The following PWP1 variants were observed in gnomAD, a reference collection of about 807,000 sequenced individuals.
PWP1 encodes PWP1 homolog, endonuclein.
In PWP1, 47 loss-of-function variants were observed where a neutral mutation model predicts 69.9. The ratio of observed to expected loss-of-function variants is 0.67; its 90% CI spans 0.53 to 0.86. PWP1 has a LOEUF of 0.86. PWP1 is among the 40% of genes least tolerant of loss of function. The pLI is 0.00. For synonymous variants in PWP1, 222 were observed against 208.2 expected, an observed-to-expected ratio of 1.07 and a Z score of -0.57; for missense variants, 551 against 608.8, an observed-to-expected ratio of 0.91 and a Z score of 1.00.
At chr12:107,693,946 G>A (rs1011832632) in intron 5 of PWP1, among the ~76,000 whole-genome samples, 7 of 151,994 alleles carry the variant, frequency 4.6e-5, no homozygotes, top group East Asian at 1.9e-4. Context: ...AAAGGGCCAC[G>A]TTTCTTTTTT....
chr12:107,699,569 C>A, intron 8 of PWP1, 135 bp downstream of exon 8: 2 of 669,824 alleles, frequency 3.0e-6, no homozygotes, highest in Non-Finnish European at 5.1e-6. Flanking sequence ...GCCCTGCTTG[C>A]AGGCAGGAGC....
intron 1 of PWP1, among the ~76,000 whole-genome samples, chr12:107,687,663 A>C (rs1409594839): frequency 6.6e-6 from 1 of 151,934 alleles, no homozygotes; most frequent in African/African-American, 2.4e-5. Context: ...TCATTCAGGA[A>C]GCTGAGGTGG....
chr12:107,712,433 T>TAA lies in PWP1; in HGVS notation c.*218_*219dup. 1 of 409,928 alleles carries TAA rather than the reference T, an allele frequency of 2.4e-6. No individual in the cohort carries two copies. The highest frequency in any genetic ancestry group is 4.3e-6 in the Non-Finnish European group (1 of 229,890). 25.4% of individuals were successfully genotyped at this position (409,928 alleles called of 1,614,324 possible). A position where few individuals can be genotyped will look rare whatever the true frequency, so the allele number is the denominator to read the frequency against. On this transcript the variant is annotated 3_prime_UTR_variant, in exon 15 of 15. Coordinates refer to ENST00000412830, the MANE Select transcript of PWP1 (RefSeq NM_007062.3). ...TTTGTAAGGCTCTTGTTGCATTTCTTAAAAAAGAGTAATAAAAAGGATTTT... is the reference window on the plus strand; with the variant it reads ...TTTGTAAGGCTCTTGTTGCATTTCTTAAAAAAAAGAGTAATAAAAAGGATTTT...
chr12:107,700,633 G>A (rs1342528374), intron 8 of PWP1, among the ~76,000 whole-genome samples: 8 of 152,166 alleles, frequency 5.3e-5, no homozygotes, highest in African/African-American at 1.7e-4. Context: ...TGCTATGAAT[G>A]TGGGTGTACA....
At chr12:107,686,048 G>A in intron 1 of PWP1, 77 bp downstream of exon 1, 3 of 1,521,540 alleles carry the variant, frequency 2.0e-6, no homozygotes, top group Non-Finnish European at 2.7e-6. Flanking sequence ...GGGGAACGTG[G>A]ACCCGGAACT....
At chr12:107,686,193 C>T in intron 1 of PWP1, 1 of 595,496 alleles carries the variant, frequency 1.7e-6, no homozygotes, top group Non-Finnish European at 3.0e-6. Flanking sequence ...CTGTTCCCAC[C>T]CTCAAGCCCA....
chr12:107,693,165 T>C (rs971691734), intron 5 of PWP1, 69 bp downstream of exon 5: 1 of 1,525,514 alleles, frequency 6.6e-7, no homozygotes, highest in Admixed American at 2.2e-5. Flanking sequence ...ATAGTTACCA[T>C]TTCATTTTTA....
intron 1 of PWP1, among the ~76,000 whole-genome samples, chr12:107,686,927 C>CTGCA (rs1889378045): frequency 7.2e-6 from 1 of 138,364 alleles, no homozygotes; most frequent in Non-Finnish European, 1.5e-5. Context: ...GATCGCACAG[C>CTGCA]TGCACTCCAG....
At chr12:107,698,789 C>T (rs190496186) in intron 7 of PWP1, among the ~76,000 whole-genome samples, 262 of 152,206 alleles carry the variant, frequency 1.7e-3, no homozygotes, top group African/African-American at 5.8e-3. Context: ...GACAGAGTTT[C>T]GCTATGTTGC....
intron 14 of PWP1, among the ~76,000 whole-genome samples, chr12:107,710,806 G>C (rs1673970530): frequency 6.6e-6 from 1 of 152,212 alleles, no homozygotes; most frequent in Non-Finnish European, 1.5e-5. Flanking sequence ...CAGGAAGATA[G>C]CAAAAGTAGT....
intron 1 of PWP1, among the ~76,000 whole-genome samples, chr12:107,686,969 C>CAAAAA (rs61728433): frequency 2.0e-4 from 21 of 106,872 alleles, no homozygotes; most frequent in East Asian, 4.7e-4. Flanking sequence ...GACTCCGTCT[C>CAAAAA]AAAAAAAAAA....
At chr12:107,709,373 A>AG in intron 13 of PWP1, 141 bp downstream of exon 13, 2 of 1,151,554 alleles carry the variant, frequency 1.7e-6, no homozygotes, top group Non-Finnish European at 2.4e-6. Context: ...TTTTGAGTTT[A>AG]GTCAAATTTG....
rs976606940 is a variant in PWP1, at chr12:107,707,191, G to A, written c.1078-1735G>A. Among the ~76,000 whole-genome samples the A allele has an allele frequency of 2.4e-4, 37 of 151,740 alleles. No individual in the cohort carries two copies. The East Asian group carries it at 3.1e-3, about 13-fold the overall frequency. ...TGAATGGGAGTTCACTCATGATTTG[G>A]CTGTTTGTCTATTATTGGTGTATAA... On this transcript the variant is annotated intron_variant, in intron 11 of 14. Coordinates refer to ENST00000412830, the MANE Select transcript of PWP1 (RefSeq NM_007062.3).
At chr12:107,708,116 G>A (rs1351028125) in intron 11 of PWP1, among the ~76,000 whole-genome samples, 1 of 152,126 alleles carries the variant, frequency 6.6e-6, no homozygotes, top group African/African-American at 2.4e-5. Context: ...CTTGAATGTT[G>A]TGTTGTACTT....
chr12:107,697,707 TG>T (rs1385597351), intron 7 of PWP1, 110 bp downstream of exon 7: 5 of 1,068,140 alleles, frequency 4.7e-6, no homozygotes, highest in Admixed American at 3.8e-5. Context: ...CTTGGTGAGA[TG>T]GGGTAGGTAG....
rs1269611209 is a variant in PWP1 at position 107,696,508 on chromosome 12, C to T, written c.537C>T (p.His179=). The change falls in exon 6 of 15, where the codon CAC becomes CAT. Residue 179 remains histidine (H), a synonymous_variant. Coordinates refer to ENST00000412830, the MANE Select transcript of PWP1 (RefSeq NM_007062.3). ...AAGAAGAAGACTCTTTTTATGTACA[C>T]CATGATATACTCTTGTCTGCATATC... The part of the protein sequence containing the change: ...YNQEEDSFYV[H]HDILLSAYPL... The T allele has an allele frequency of 1.9e-6, 3 of 1,614,050 alleles. No homozygotes were observed. Among genetic ancestry groups the T allele is most frequent in the South Asian group, 1.1e-5 (1 of 91,068 alleles).
At chr12:107,699,585 C>A (rs1357727489) in intron 8 of PWP1, 151 bp downstream of exon 8, 7 of 642,704 alleles carry the variant, frequency 1.1e-5, no homozygotes, top group Non-Finnish European at 1.9e-5. Flanking sequence ...GGAGCTCTGT[C>A]ATCTGTTTCT....
intron 7 of PWP1, among the ~76,000 whole-genome samples, chr12:107,698,293 C>T (rs999739577): frequency 6.6e-6 from 1 of 152,048 alleles, no homozygotes; most frequent in Non-Finnish European, 1.5e-5. Flanking sequence ...ACCTGGGAGG[C>T]AGAGGTTGCA....
intron 3 of PWP1, among the ~76,000 whole-genome samples, chr12:107,690,974 G>T (rs1416543989): frequency 1.3e-5 from 2 of 152,188 alleles, no homozygotes; most frequent in Non-Finnish European, 2.9e-5. Flanking sequence ...TTGGGCACAG[G>T]AAGATCAGTA....
Sources: allele counts gnomAD v4.1 joint callset (sites outside exome capture counted in the v4.1 genomes callset), GRCh38; gene constraint gnomAD v4.1.1; transcripts MANE v1.5; gene names NCBI Gene and HGNC (gene_info 2026-07-23, HGNC 2026-07-21).